Variants in EXOC4 observed in about 807,000 individuals in gnomAD.
EXOC4 encodes the protein SEC8-like 1.
A neutral mutation model predicts 107.2 loss-of-function variants in EXOC4; 71 were observed. The ratio of observed to expected loss-of-function variants is 0.66; its 90% confidence interval spans 0.55 to 0.81. EXOC4 has a LOEUF of 0.81. EXOC4 is among the 30% of genes least tolerant of loss of function. The pLI is 0.00. For missense variants in EXOC4, 1,108 were observed against 1,189.6 expected (o/e 0.93, Z 1.01); for synonymous variants, 456 against 441.2 (o/e 1.03, Z -0.42).
chr7:133,692,431 G>A (rs1794441681), intron 10 of EXOC4, among the ~76,000 whole-genome samples: 1 of 152,166 alleles, frequency 6.6e-6, no homozygotes, highest in Non-Finnish European at 1.5e-5. Context: ...GATCAATGGT[G>A]TACAACTCTT....
chr7:133,650,191 A>G (rs1300914178), intron 10 of EXOC4, among the ~76,000 whole-genome samples: 1 of 152,000 alleles, frequency 6.6e-6, no homozygotes, highest in Admixed American at 6.6e-5. Context: ...ACATGGCATG[A>G]TTAGCAATTG....
At chr7:133,428,981 A>C (rs1185525004) in intron 7 of EXOC4, among the ~76,000 whole-genome samples, 1 of 152,130 alleles carries the variant, frequency 6.6e-6, no homozygotes, top group Non-Finnish European at 1.5e-5. Flanking sequence ...TCAGAAGTTG[A>C]CTATAGGAGG....
rs189576991 is a variant in EXOC4 at position 133,270,002 on chromosome 7, A to G, written c.87-4980A>G. ...TCTCATCTTGAATTTTAACTCCCAC[A>G]ATTCCCGCGTGTCGTGGGAGCAACT... On this transcript the variant is annotated intron_variant, in intron 1 of 17. Coordinates refer to ENST00000253861, the MANE Select transcript of EXOC4 (RefSeq NM_021807.4). Among the ~76,000 whole-genome samples the G allele has an allele frequency of 1.7e-4, 26 of 152,240 alleles. No individual in the cohort carries two copies. The East Asian group carries it at 4.6e-3, about 27-fold the overall frequency.
chr7:133,749,847 A>T (rs1795753946), intron 10 of EXOC4, among the ~76,000 whole-genome samples: 1 of 152,044 alleles, frequency 6.6e-6, no homozygotes, highest in African/African-American at 2.4e-5. Flanking sequence ...TTTCTAAGCT[A>T]AATTGCTTCT....
intron 11 of EXOC4, among the ~76,000 whole-genome samples, chr7:133,890,490 T>A (rs1799182214): frequency 7.2e-6 from 1 of 138,864 alleles, no homozygotes; most frequent in African/African-American, 3.0e-5. Flanking sequence ...GGACATGAAG[T>A]CCTTGCCCAC....
intron 10 of EXOC4, among the ~76,000 whole-genome samples, chr7:133,711,293 A>G (rs1794888183): frequency 1.3e-5 from 2 of 152,306 alleles, no homozygotes; most frequent in East Asian, 1.9e-4. Context: ...GCCACTAAAC[A>G]TTTCAATTTG....
chr7:133,822,552 A>G (rs1797547116), intron 11 of EXOC4, among the ~76,000 whole-genome samples: 4 of 152,186 alleles, frequency 2.6e-5, no homozygotes, highest in South Asian at 4.1e-4. Context: ...GGCCAAGAGC[A>G]TCAACCTCTG....
intron 2 of EXOC4, among the ~76,000 whole-genome samples, chr7:133,282,178 G>GC (rs1479116595): frequency 6.6e-6 from 1 of 152,124 alleles, no homozygotes; most frequent in African/African-American, 2.4e-5. Flanking sequence ...AAAGAGGGCT[G>GC]CAAAAATTTC....
chr7:133,296,664 A>AT (rs1304355425), intron 3 of EXOC4, among the ~76,000 whole-genome samples: 8 of 151,892 alleles, frequency 5.3e-5, no homozygotes, highest in South Asian at 2.1e-4. Flanking sequence ...AGATTGTTTG[A>AT]TAGGCACCTG....
chr7:134,085,656 A>G, the EXOC4 span, among the ~76,000 whole-genome samples: 1 of 152,314 alleles, frequency 6.6e-6, no homozygotes, highest in East Asian at 1.9e-4. Flanking sequence ...GGAAAGCTCC[A>G]TTCACAGGAT....
chr7:134,008,444 T>G (rs1794693812), intron 17 of EXOC4, among the ~76,000 whole-genome samples: 1 of 152,206 alleles, frequency 6.6e-6, no homozygotes, highest in South Asian at 2.1e-4. Context: ...TATTTATTTT[T>G]TCATCACTTG....
chr7:133,982,197 G>A (rs896456872), intron 14 of EXOC4, among the ~76,000 whole-genome samples: 2 of 152,100 alleles, frequency 1.3e-5, no homozygotes, highest in African/African-American at 4.8e-5. Flanking sequence ...CCCCCATGAC[G>A]CAAATTTACC....
intron 9 of EXOC4, among the ~76,000 whole-genome samples, chr7:133,595,404 G>T (rs534703058): frequency 2.5e-3 from 374 of 152,198 alleles, no homozygotes; most frequent in Non-Finnish European, 4.0e-3. Context: ...TGCTTTTATT[G>T]CATATGCTAT....
intron 10 of EXOC4, among the ~76,000 whole-genome samples, chr7:133,755,296 T>C (rs1795889111): frequency 8.4e-6 from 1 of 118,626 alleles, no homozygotes; most frequent in Non-Finnish European, 1.7e-5. Flanking sequence ...ATACATATTA[T>C]ATATATTATA....
At chr7:133,727,912 A>C (rs1795249224) in intron 10 of EXOC4, among the ~76,000 whole-genome samples, 1 of 152,224 alleles carries the variant, frequency 6.6e-6, no homozygotes, top group Non-Finnish European at 1.5e-5. Context: ...CATTGAAAGG[A>C]TTAAGCATTA....
chr7:133,428,116 C>T (rs1797769980), intron 7 of EXOC4, among the ~76,000 whole-genome samples: 1 of 152,210 alleles, frequency 6.6e-6, no homozygotes, highest in South Asian at 2.1e-4. Flanking sequence ...ATTGCTGGAT[C>T]ACACTTGACA....
At chr7:133,408,210 A>G (rs1319482130) in intron 7 of EXOC4, among the ~76,000 whole-genome samples, 1 of 134,132 alleles carries the variant, frequency 7.5e-6, no homozygotes, top group African/African-American at 2.8e-5. Flanking sequence ...TGATGGAGGT[A>G]TTGGTGGTGA....
intron 10 of EXOC4, among the ~76,000 whole-genome samples, chr7:133,786,791 T>C (rs2551026): frequency 0.99 from 150,342 of 152,358 alleles, 74,218 homozygotes; most frequent in Middle Eastern, 1. Flanking sequence ...AGAAGACTTA[T>C]GGTTTAAGTA....
chr7:133,659,963 T>G (rs948999241), intron 10 of EXOC4, among the ~76,000 whole-genome samples: 1 of 152,166 alleles, frequency 6.6e-6, no homozygotes, highest in Non-Finnish European at 1.5e-5. Flanking sequence ...TCCTTTCTAG[T>G]TAAGTCTTCT....
Sources: allele counts gnomAD v4.1 joint callset (sites outside exome capture counted in the v4.1 genomes callset), GRCh38; gene constraint gnomAD v4.1.1; transcripts MANE v1.5; gene names NCBI Gene and HGNC (gene_info 2026-07-23, HGNC 2026-07-21).